RORA: variants seen among roughly 807,000 people sequenced by gnomAD.
RORA encodes RAR related orphan receptor A.
Under a neutral mutation model 69.5 loss-of-function variants are expected in RORA, and 7 were observed. The observed-to-expected ratio is 0.10, with a 90% confidence interval of 0.06 to 0.19. RORA has a LOEUF of 0.19. RORA is among the 10% of genes least tolerant of loss of function. The pLI is 1.00. For missense variants in RORA, 457 were observed against 663.0 expected, an observed-to-expected ratio of 0.69 and a Z score of 3.41; for synonymous variants, 261 against 240.8, an observed-to-expected ratio of 1.08 and a Z score of -0.78.
At chr15:60,973,096 C>G (rs1034145496) in intron 1 of RORA, among the ~76,000 whole-genome samples, 1 of 151,966 alleles carries the variant, frequency 6.6e-6, no homozygotes, top group Admixed American at 6.6e-5. Context: ...GTTTGGTCAG[C>G]AGGGCATGGG....
At chr15:60,869,762 G>C (rs1056517892) in intron 1 of RORA, among the ~76,000 whole-genome samples, 3 of 152,154 alleles carry the variant, frequency 2.0e-5, no homozygotes, top group Non-Finnish European at 4.4e-5. Flanking sequence ...CCATAAAATG[G>C]ACAAGAAAGT....
At chr15:61,090,827 AC>A (rs2140707586) in intron 1 of RORA, among the ~76,000 whole-genome samples, 1 of 152,162 alleles carries the variant, frequency 6.6e-6, no homozygotes, top group African/African-American at 2.4e-5. Context: ...ACTGTTATTC[AC>A]CCCTGCCTGA....
intron 1 of RORA, among the ~76,000 whole-genome samples, chr15:61,058,321 G>T (rs1368091229): frequency 6.6e-6 from 1 of 152,126 alleles, no homozygotes; most frequent in East Asian, 1.9e-4. Flanking sequence ...AGCCACTCTT[G>T]GCACCCTTAA....
chr15:61,142,657 C>A (rs1272141934), intron 1 of RORA, among the ~76,000 whole-genome samples: 2 of 152,174 alleles, frequency 1.3e-5, no homozygotes, highest in Middle Eastern at 3.4e-3. Context: ...GAATAAGATA[C>A]CACCACCAAA....
At chr15:61,227,198 TC>T (rs1008578502) in intron 1 of RORA, among the ~76,000 whole-genome samples, 7 of 67,076 alleles carry the variant, frequency 1.0e-4, no homozygotes, top group Non-Finnish European at 2.0e-4. Context: ...AAATACTATG[TC>T]CCCCCCATTC....
intron 2 of RORA, among the ~76,000 whole-genome samples, chr15:60,655,247 TTCTC>T (rs1001749741): frequency 1.3e-5 from 2 of 152,068 alleles, no homozygotes; most frequent in African/African-American, 2.4e-5. Flanking sequence ...ATTTAAAAAA[TTCTC>T]TCTTTCTTAG....
rs60817920 is a variant in RORA, at chr15:60,519,827, T to TAAACAAAC, written c.283-5078_283-5071dup. ...TATTTCTAAATCACTCTAGCTCATTTAAACAAACAAACAAACAAACAAACA... is the reference window on the plus strand; with the variant it reads ...TATTTCTAAATCACTCTAGCTCATTTAAACAAACAAACAAACAAACAAACAAACAAACA... On this transcript the variant is annotated intron_variant, in intron 3 of 10. Transcript: ENST00000335670. 1.0e-3 allele frequency: 157 copies of TAAACAAAC among 151,828 alleles called. 3 individuals are homozygous for TAAACAAAC. The highest frequency in any genetic ancestry group is 7.7e-3 in the South Asian group (37 of 4,798). The allele number at this position is 151,828 out of a possible 1,614,324, so 9.4% of individuals were successfully genotyped here.
chr15:60,907,285 G>C (rs1259569362), intron 1 of RORA, among the ~76,000 whole-genome samples: 6 of 152,128 alleles, frequency 3.9e-5, no homozygotes, highest in Admixed American at 3.9e-4. Flanking sequence ...GGCAGTCATT[G>C]GGGATTCATG....
chr15:61,225,776 C>A (rs576243804), intron 1 of RORA, among the ~76,000 whole-genome samples: 1 of 152,172 alleles, frequency 6.6e-6, no homozygotes, highest in Non-Finnish European at 1.5e-5. Context: ...AGTTATGTCA[C>A]GAGGCTCATG....
chr15:60,505,404 G>C, intron 6 of RORA, 104 bp downstream of exon 6: 1 of 1,104,762 alleles, frequency 9.1e-7, no homozygotes. Flanking sequence ...GAAACCTGAT[G>C]ACATTCATTC....
chr15:60,559,268 GT>G, intron 2 of RORA, among the ~76,000 whole-genome samples: 1 of 152,200 alleles, frequency 6.6e-6, no homozygotes, highest in South Asian at 2.1e-4. Context: ...AATGGCCCTG[GT>G]TTTTATCCTT....
intron 1 of RORA, among the ~76,000 whole-genome samples, chr15:60,945,861 C>T (rs928593957): frequency 4.6e-5 from 7 of 152,190 alleles, no homozygotes; most frequent in Admixed American, 3.9e-4. Context: ...AACCTATCAA[C>T]CTAGCTTTTA....
intron 1 of RORA, chr15:60,849,034 T>C (rs1407156097): frequency 1.3e-5 from 2 of 152,238 alleles, no homozygotes; most frequent in African/African-American, 4.8e-5. Flanking sequence ...AGGAAATCAA[T>C]ATACCTCCCA....
intron 2 of RORA, among the ~76,000 whole-genome samples, chr15:60,643,139 G>A (rs1273956802): frequency 1.3e-5 from 2 of 152,166 alleles, no homozygotes; most frequent in Non-Finnish European, 2.9e-5. Flanking sequence ...CAGCCTGGGC[G>A]ACAGAGCGAA....
intron 2 of RORA, among the ~76,000 whole-genome samples, chr15:60,606,889 C>A (rs370777736): frequency 1.1e-4 from 16 of 152,164 alleles, no homozygotes; most frequent in African/African-American, 3.9e-4. Flanking sequence ...AAGAAAGAAA[C>A]AAAGATCAGC....
At chr15:60,634,590 A>G (rs2069803038) in intron 2 of RORA, among the ~76,000 whole-genome samples, 1 of 111,046 alleles carries the variant, frequency 9.0e-6, no homozygotes, top group South Asian at 2.8e-4. Flanking sequence ...TTTTTAGTAG[A>G]GACAGGGTTT....
intron 1 of RORA, among the ~76,000 whole-genome samples, chr15:61,179,323 A>G (rs2079660558): frequency 6.6e-6 from 1 of 152,226 alleles, no homozygotes; most frequent in South Asian, 2.1e-4. Flanking sequence ...ACCACCACAC[A>G]CTGAATGCAG....
At chr15:61,132,306 T>C (rs2079197018) in intron 1 of RORA, among the ~76,000 whole-genome samples, 1 of 152,156 alleles carries the variant, frequency 6.6e-6, no homozygotes. Context: ...AACGGATGTT[T>C]GAATGATTGA....
intron 1 of RORA, among the ~76,000 whole-genome samples, chr15:61,134,406 C>T (rs1192675512): frequency 6.6e-6 from 1 of 152,184 alleles, no homozygotes; most frequent in Non-Finnish European, 1.5e-5. Context: ...AGGTTCTGTG[C>T]CTCGGTGCCT....
Sources: allele counts gnomAD v4.1 joint callset (sites outside exome capture counted in the v4.1 genomes callset), GRCh38; gene constraint gnomAD v4.1.1; transcripts MANE v1.5; gene names NCBI Gene and HGNC (gene_info 2026-07-23, HGNC 2026-07-21).